TENM3: variants seen among roughly 807,000 people sequenced by gnomAD.
TENM3 encodes teneurin transmembrane protein 3, also known as teneurin-3.
Under a neutral mutation model 255.1 loss-of-function variants are expected in TENM3, and 63 were observed. That is an observed-to-expected ratio of 0.25 (90% CI 0.20 to 0.30). TENM3 has a LOEUF of 0.30. Among genes scored for constraint, TENM3 ranks in the 10% least tolerant of loss-of-function variants. The probability of loss-of-function intolerance (pLI) is 1.00; values close to 1 mark genes in which losing one functional copy is unlikely to be tolerated. For synonymous variants in TENM3, 1,306 were observed against 1,322.3 expected, an observed-to-expected ratio of 0.99 and a Z score of 0.27; for missense variants, 2,929 against 3,461.1, an observed-to-expected ratio of 0.85 and a Z score of 3.86.
chr4:182,710,209 A>T (rs1248971355), intron 12 of TENM3, among the ~76,000 whole-genome samples: 3 of 152,198 alleles, frequency 2.0e-5, no homozygotes, highest in Admixed American at 1.3e-4. Context: ...TAGAAATACT[A>T]CCCTATGAGA....
At chr4:181,575,282 G>C in the TENM3 span, among the ~76,000 whole-genome samples, 1 of 152,106 alleles carries the variant, frequency 6.6e-6, no homozygotes, top group Non-Finnish European at 1.5e-5. Context: ...TACACTTTCT[G>C]ATGTATCAAT....
the TENM3 span, among the ~76,000 whole-genome samples, chr4:181,988,262 A>G: frequency 6.6e-6 from 1 of 151,952 alleles, no homozygotes; most frequent in African/African-American, 2.4e-5. Flanking sequence ...CTGTGCCATC[A>G]TTATCATAGC....
At chr4:182,727,636 G>A (rs540952095) in intron 13 of TENM3, among the ~76,000 whole-genome samples, 1 of 152,122 alleles carries the variant, frequency 6.6e-6, no homozygotes, top group Admixed American at 6.5e-5. Flanking sequence ...CCTGGAGAAA[G>A]CACTGGCAAA....
At chr4:182,078,237 G>A in the TENM3 span, among the ~76,000 whole-genome samples, 15 of 151,208 alleles carry the variant, frequency 9.9e-5, no homozygotes, top group Non-Finnish European at 1.3e-4. Context: ...AAAAATAAAC[G>A]AAACAGCCGG....
chr4:182,732,444 A>G (rs1425597266), intron 16 of TENM3, among the ~76,000 whole-genome samples: 3 of 152,230 alleles, frequency 2.0e-5, no homozygotes, highest in South Asian at 2.1e-4. Context: ...CGTTTCATCT[A>G]CTGAAATAGC....
chr4:181,867,143 C>T, the TENM3 span, among the ~76,000 whole-genome samples: 2 of 152,102 alleles, frequency 1.3e-5, no homozygotes, highest in African/African-American at 2.4e-5. Context: ...CTAATTTCAC[C>T]GTGGAATTTC....
the TENM3 span, among the ~76,000 whole-genome samples, chr4:181,647,529 T>TA: frequency 6.6e-6 from 1 of 152,196 alleles, no homozygotes; most frequent in African/African-American, 2.4e-5. Context: ...GTTGTATGCT[T>TA]ACACTTTGAT....
At chr4:182,401,142 A>G (rs898017543) in intron 3 of TENM3, among the ~76,000 whole-genome samples, 1 of 152,118 alleles carries the variant, frequency 6.6e-6, no homozygotes, top group Non-Finnish European at 1.5e-5. Context: ...TGGATTAGTG[A>G]TAAACTCATA....
chr4:182,752,182 G>C (rs1020316202), intron 20 of TENM3, 150 bp downstream of exon 20: 1 of 599,282 alleles, frequency 1.7e-6, no homozygotes. Flanking sequence ...TCACATCTAG[G>C]GTTTTTAAAA....
chr4:182,731,702 TG>T (rs1760739086), intron 16 of TENM3, among the ~76,000 whole-genome samples: 2 of 23,646 alleles, frequency 8.5e-5, no homozygotes, highest in Non-Finnish European at 1.7e-4. Flanking sequence ...GGGGTGTGTG[TG>T]TGTGTGTGTG....
the TENM3 span, among the ~76,000 whole-genome samples, chr4:181,579,134 G>T: frequency 6.6e-6 from 1 of 152,144 alleles, no homozygotes; most frequent in South Asian, 2.1e-4. Context: ...AGGAAGAAGC[G>T]GACTCTGGCC....
At chr4:182,364,475 G>T (rs1257799225) in intron 3 of TENM3, among the ~76,000 whole-genome samples, 1 of 152,122 alleles carries the variant, frequency 6.6e-6, no homozygotes, top group Non-Finnish European at 1.5e-5. Flanking sequence ...GGAATGCAGT[G>T]GCGCGATCTC....
Position 182,688,208 on chromosome 4 carries a change from G to A in TENM3, c.2078G>A (p.Gly693Glu). The A allele has an allele frequency of 6.2e-7, 1 of 1,613,818 alleles. No individual in the cohort carries two copies. The highest frequency in any genetic ancestry group is 2.2e-5 in the East Asian group (1 of 44,872). The change falls in exon 12 of 28, where the codon GGG (glycine) becomes GAG (glutamate). Residue 693 changes from glycine to glutamate, a missense_variant. Coordinates refer to ENST00000511685, the MANE Select transcript of TENM3 (RefSeq NM_001080477.4). ...VDCGSHGVCM[G>E]GTCRCEEGWT... ...TGTGGCTCACACGGCGTTTGCATGG[G>A]GGGGACGTGTCGCTGTGAAGAAGGC...
At chr4:182,413,524 G>A (rs550848078) in intron 3 of TENM3, among the ~76,000 whole-genome samples, 24 of 151,436 alleles carry the variant, frequency 1.6e-4, no homozygotes, top group Non-Finnish European at 2.6e-4. Context: ...GCTGAGGCAC[G>A]ATAATTGCTT....
chr4:181,459,877 A>T, the TENM3 span, among the ~76,000 whole-genome samples: 1 of 151,992 alleles, frequency 6.6e-6, no homozygotes, highest in African/African-American at 2.4e-5. Context: ...TTGGCATATC[A>T]TTAAAATATA....
At chr4:182,219,112 C>T (rs1242261813) in intron 1 of TENM3, among the ~76,000 whole-genome samples, 3 of 152,232 alleles carry the variant, frequency 2.0e-5, no homozygotes, top group Admixed American at 2.0e-4. Context: ...GTCTCAGCTA[C>T]TCGGGAGGCT....
the TENM3 span, among the ~76,000 whole-genome samples, chr4:181,724,904 T>C: frequency 6.6e-6 from 1 of 152,220 alleles, no homozygotes; most frequent in South Asian, 2.1e-4. Context: ...AAGGCCAGAT[T>C]GCCACCTTTC....
chr4:182,234,627 G>A (rs1357012726), intron 1 of TENM3, among the ~76,000 whole-genome samples: 1 of 152,118 alleles, frequency 6.6e-6, no homozygotes, highest in Non-Finnish European at 1.5e-5. Flanking sequence ...AGCTACTCGG[G>A]AGGCTGAGGC....
At chr4:182,281,839 G>A (rs1019740035) in intron 1 of TENM3, among the ~76,000 whole-genome samples, 1 of 152,100 alleles carries the variant, frequency 6.6e-6, no homozygotes, top group African/African-American at 2.4e-5. Flanking sequence ...GGGTTTGAGC[G>A]ATTCTCCTGC....
Sources: gnomAD v4.1 joint callset for allele counts (sites outside exome capture counted in the v4.1 genomes callset) on GRCh38, gnomAD v4.1.1 for gene constraint, MANE v1.5 for transcripts, NCBI Gene and HGNC (gene_info 2026-07-23, HGNC 2026-07-21) for gene names.